The following CADPS2 variants were observed in gnomAD, a reference collection of about 807,000 sequenced individuals.
CADPS2 encodes calcium dependent secretion activator 2.
In CADPS2, 93 loss-of-function variants were observed where a neutral mutation model predicts 172.5. The observed-to-expected ratio is 0.54, with a 90% CI of 0.46 to 0.64. The LOEUF (loss-of-function observed/expected upper bound fraction) is 0.64. Among genes scored for constraint, CADPS2 ranks in the 30% least tolerant of loss-of-function variants. The probability of loss-of-function intolerance (pLI) is 0.00; values close to 1 mark genes in which losing one functional copy is unlikely to be tolerated. For synonymous variants in CADPS2, 546 were observed against 555.2 expected (o/e 0.98, Z 0.23); for missense variants, 1,420 against 1,565.9 (o/e 0.91, Z 1.57).
At chr7:122,442,902 C>G (rs757496078) in intron 15 of CADPS2, among the ~76,000 whole-genome samples, 1 of 152,114 alleles carries the variant, frequency 6.6e-6, no homozygotes. Flanking sequence ...AAAGCCATAA[C>G]CAATTTATTT....
At chr7:122,710,823 A>G (rs2088581100) in intron 2 of CADPS2, among the ~76,000 whole-genome samples, 1 of 152,068 alleles carries the variant, frequency 6.6e-6, no homozygotes, top group Non-Finnish European at 1.5e-5. Context: ...TTAGAGGCAT[A>G]TATGTCTGTC....
At chr7:122,864,640 A>G (rs746561132) in intron 1 of CADPS2, among the ~76,000 whole-genome samples, 14 of 152,356 alleles carry the variant, frequency 9.2e-5, no homozygotes, top group Non-Finnish European at 1.6e-4. Context: ...TGTCAGCAAG[A>G]AATGCAGGGC....
chr7:122,601,164 TG>T (rs1340625246), intron 6 of CADPS2, among the ~76,000 whole-genome samples: 4 of 152,092 alleles, frequency 2.6e-5, no homozygotes, highest in African/African-American at 9.7e-5. Context: ...TCTACCATTT[TG>T]GCAGAACTAT....
chr7:122,465,450 T>A (rs1412088739), intron 14 of CADPS2, among the ~76,000 whole-genome samples: 2 of 152,180 alleles, frequency 1.3e-5, no homozygotes, highest in African/African-American at 4.8e-5. Flanking sequence ...AACTGGGCCA[T>A]ACAGCAGGAG....
intron 14 of CADPS2, among the ~76,000 whole-genome samples, chr7:122,461,538 A>G (rs1297912024): frequency 1.3e-5 from 2 of 152,220 alleles, no homozygotes; most frequent in African/African-American, 4.8e-5. Context: ...TCCAGAGGAA[A>G]AAGAGGAATC....
At chr7:122,673,315 T>C (rs2082058504) in intron 2 of CADPS2, among the ~76,000 whole-genome samples, 1 of 152,208 alleles carries the variant, frequency 6.6e-6, no homozygotes, top group Non-Finnish European at 1.5e-5. Context: ...TCCTGCAGAT[T>C]GGTCCATTTT....
At chr7:122,545,595 G>A (rs1415343256) in intron 8 of CADPS2, among the ~76,000 whole-genome samples, 2 of 152,094 alleles carry the variant, frequency 1.3e-5, no homozygotes, top group Admixed American at 1.3e-4. Context: ...CCTAAATGGT[G>A]TGGAAAATGG....
intron 1 of CADPS2, among the ~76,000 whole-genome samples, chr7:122,737,619 G>C (rs1004082196): frequency 9.2e-5 from 14 of 152,178 alleles, no homozygotes; most frequent in South Asian, 2.1e-4. Flanking sequence ...TCCTGATATG[G>C]AAGTGGAATC....
chr7:122,507,596 C>T (rs564517934), intron 9 of CADPS2, among the ~76,000 whole-genome samples: 4 of 152,186 alleles, frequency 2.6e-5, no homozygotes, highest in East Asian at 3.9e-4. Flanking sequence ...CTCTAAGACA[C>T]GGTTATGAGT....
At position 122,388,566 on chromosome 7, in the gene CADPS2, T is replaced by A; in HGVS notation, c.3164+17A>T. The A allele has an allele frequency of 6.4e-7, 1 of 1,556,748 alleles. No individual in the cohort carries two copies. The highest frequency in any genetic ancestry group is 8.7e-7 in the Non-Finnish European group (1 of 1,145,250). ...GGTGCTGGCACATTAAGCAGCAATTTGAAAATACATGTCTACCTTTTGACA... is the reference window on the plus strand; with the variant it reads ...GGTGCTGGCACATTAAGCAGCAATTAGAAAATACATGTCTACCTTTTGACA... On this transcript the variant is annotated intron_variant, in intron 23 of 29. Coordinates refer to ENST00000449022, the MANE Select transcript of CADPS2 (RefSeq NM_017954.11).
chr7:122,593,983 A>G (rs1380379301), intron 6 of CADPS2, among the ~76,000 whole-genome samples: 1 of 152,114 alleles, frequency 6.6e-6, no homozygotes, highest in Non-Finnish European at 1.5e-5. Context: ...TTTACAGTCT[A>G]TAATACTGAA....
At chr7:122,516,052 G>A (rs2060350340) in intron 8 of CADPS2, among the ~76,000 whole-genome samples, 1 of 152,116 alleles carries the variant, frequency 6.6e-6, no homozygotes, top group Non-Finnish European at 1.5e-5. Flanking sequence ...CAGGGGGACA[G>A]ATGGATACAT....
intron 17 of CADPS2, chr7:122,421,888 G>T (rs936106633): frequency 6.6e-6 from 1 of 152,156 alleles, no homozygotes; most frequent in African/African-American, 2.4e-5. Flanking sequence ...ATTGTGGTGG[G>T]TATGTGTTCG....
chr7:122,580,590 C>T (rs989974141), intron 7 of CADPS2, among the ~76,000 whole-genome samples: 2 of 151,972 alleles, frequency 1.3e-5, no homozygotes, highest in East Asian at 3.9e-4. Flanking sequence ...AATGCTTTTA[C>T]TGACAGCACA....
intron 1 of CADPS2, among the ~76,000 whole-genome samples, chr7:122,784,633 GC>G (rs1328433788): frequency 6.6e-6 from 1 of 152,126 alleles, no homozygotes; most frequent in African/African-American, 2.4e-5. Flanking sequence ...GTGTGTGGAT[GC>G]CCCATCTTCC....
In CADPS2 at chr7:122,480,866, G is replaced by A; in HGVS notation, c.1853-6C>T. ...AAAATACTTACCTTTACCAGCTACA[G>A]GTCAGCAAAGAAATGAGAAACAAAG... On this transcript the variant is annotated splice_region_variant and splice_polypyrimidine_tract_variant and intron_variant, in intron 11 of 29. Coordinates refer to ENST00000449022, the MANE Select transcript of CADPS2 (RefSeq NM_017954.11). 1 of 1,518,548 alleles carries A rather than the reference G, an allele frequency of 6.6e-7. No individual in the cohort carries two copies. Among genetic ancestry groups the A allele is most frequent in the Non-Finnish European group, 8.8e-7 (1 of 1,136,572 alleles). 94.1% of individuals were successfully genotyped at this position (1,518,548 alleles called of 1,614,324 possible). A position where few individuals can be genotyped will look rare whatever the true frequency, so the allele number is the denominator to read the frequency against.
rs766661740 is a variant in CADPS2 at position 122,491,399 on chromosome 7, T to C, written c.1564A>G (p.Met522Val). 1 of 1,609,042 alleles carries C rather than the reference T, an allele frequency of 6.2e-7. No individual in the cohort carries two copies. The highest frequency in any genetic ancestry group is 8.5e-7 in the Non-Finnish European group (1 of 1,177,202). The change falls in exon 10 of 30, where the codon ATG (methionine) becomes GTG (valine). Residue 522 changes from methionine to valine, a missense_variant. Met to Val is a conservative substitution (Grantham distance 21). Coordinates refer to ENST00000449022, the MANE Select transcript of CADPS2 (RefSeq NM_017954.11). ...LVQVSQYTFAMCSYREKKSEP... is the reference protein window; with the variant it reads ...LVQVSQYTFAVCSYREKKSEP... ...GACTTCTTTTCTCTATAACTGCACA[T>C]AGCAAAGGTATATTGGCTAACCTGC...
intron 20 of CADPS2, among the ~76,000 whole-genome samples, chr7:122,404,479 A>G (rs1190890321): frequency 1.3e-5 from 2 of 152,162 alleles, no homozygotes; most frequent in African/African-American, 2.4e-5. Flanking sequence ...TTATAGCAGC[A>G]TGATTTCTAA....
intron 19 of CADPS2, among the ~76,000 whole-genome samples, chr7:122,411,717 T>C (rs962986392): frequency 1.3e-5 from 2 of 152,140 alleles, no homozygotes; most frequent in Non-Finnish European, 2.9e-5. Flanking sequence ...CCAGTGTCTA[T>C]AGTATCCCCT....
Sources: allele counts gnomAD v4.1 joint callset (sites outside exome capture counted in the v4.1 genomes callset), GRCh38; gene constraint gnomAD v4.1.1; transcripts MANE v1.5; gene names NCBI Gene and HGNC (gene_info 2026-07-23, HGNC 2026-07-21).